AQP7B: variants seen among roughly 807,000 people sequenced by gnomAD.
The protein encoded by AQP7B is putative aquaporin-7B.
chr2:94,593,409 G>A, the AQP7B span, among the ~76,000 whole-genome samples: 7 of 151,880 alleles, frequency 4.6e-5, no homozygotes, highest in East Asian at 1.9e-4. Context: ...GTCAGCTTCC[G>A]GGCATGCAGA....
chr2:94,599,118 T>A, the AQP7B span, among the ~76,000 whole-genome samples: 2 of 152,170 alleles, frequency 1.3e-5, no homozygotes, highest in Non-Finnish European at 2.9e-5. Context: ...CATCCAGTAT[T>A]TTTAGCACAT....
the AQP7B span, chr2:94,588,614 C>T: frequency 4.1e-6 from 3 of 726,382 alleles, no homozygotes; most frequent in South Asian, 5.1e-5. Flanking sequence ...TCAGTGCCCT[C>T]CCTGCTCCAT....
At chr2:94,602,828 C>G in the AQP7B span, among the ~76,000 whole-genome samples, 32 of 152,316 alleles carry the variant, frequency 2.1e-4, no homozygotes, top group South Asian at 4.8e-3. Context: ...CTGGCTGGGT[C>G]ATCTTAGGCA....
At chr2:94,592,982 C>T in the AQP7B span, among the ~76,000 whole-genome samples, 1 of 151,810 alleles carries the variant, frequency 6.6e-6, no homozygotes, top group East Asian at 1.9e-4. Context: ...CACCACAACA[C>T]CTGACTAATT....
the AQP7B span, among the ~76,000 whole-genome samples, chr2:94,595,929 G>A: frequency 1.3e-5 from 2 of 152,240 alleles, no homozygotes; most frequent in African/African-American, 4.8e-5. Flanking sequence ...AACACAGGTG[G>A]TGGTTGTCAA....
At chr2:94,602,646 C>A in the AQP7B span, 1 of 1,562,574 alleles carries the variant, frequency 6.4e-7, no homozygotes, top group Admixed American at 1.7e-5. Context: ...CCAGACTGGG[C>A]AAGACCAGGT....
the AQP7B span, among the ~76,000 whole-genome samples, chr2:94,596,668 G>GACTATCCACAAGAT: frequency 6.6e-6 from 1 of 152,132 alleles, no homozygotes; most frequent in Non-Finnish European, 1.5e-5. Context: ...CTAGCTGTGC[G>GACTATCCACAAGAT]ACTATCCACA....
At chr2:94,603,094 G>A in the AQP7B span, 6 of 1,586,384 alleles carry the variant, frequency 3.8e-6, no homozygotes, top group Admixed American at 1.8e-5. Flanking sequence ...CGCGTGCCCT[G>A]GAGGAAGTTT....
chr2:94,596,726 G>T, the AQP7B span, among the ~76,000 whole-genome samples: 3 of 152,074 alleles, frequency 2.0e-5, no homozygotes, highest in South Asian at 2.1e-4. Context: ...TTGAGACAGG[G>T]TCTCACTCTG....
the AQP7B span, chr2:94,602,900 G>A: frequency 9.4e-7 from 1 of 1,063,796 alleles, no homozygotes. Flanking sequence ...GCCTCACGGG[G>A]TGGTTGTGAG....
the AQP7B span, chr2:94,594,975 C>T: frequency 1.1e-3 from 728 of 663,854 alleles, 5 homozygotes; most frequent in African/African-American, 0.01. Flanking sequence ...TTCCTTGCCT[C>T]TGAGCTGGGA....
the AQP7B span, among the ~76,000 whole-genome samples, chr2:94,593,577 C>T: frequency 6.6e-6 from 1 of 151,170 alleles, no homozygotes; most frequent in African/African-American, 2.4e-5. Flanking sequence ...CCTCCATCTC[C>T]CATGTTCAAG....
the AQP7B span, chr2:94,594,927 C>G: frequency 1.9e-6 from 2 of 1,064,102 alleles, no homozygotes; most frequent in East Asian, 4.9e-5. Context: ...CTGTCCATGA[C>G]CCCCTCCCCA....
At chr2:94,602,392 G>T in the AQP7B span, 12 of 1,239,190 alleles carry the variant, frequency 9.7e-6, no homozygotes, top group East Asian at 2.1e-4. Context: ...TGCCAGGGAG[G>T]CCCAGGGCAT....
At chr2:94,590,944 C>CAAAAAAAAAAAAAAAAAAAAAA in the AQP7B span, among the ~76,000 whole-genome samples, 4 of 49,084 alleles carry the variant, frequency 8.1e-5, no homozygotes, top group Non-Finnish European at 1.5e-4. Flanking sequence ...GACCCTGTCT[C>CAAAAAAAAAAAAAAAAAAAAAA]AAAAAAAAAA....
At chr2:94,603,615 G>T in the AQP7B span, 1 of 1,321,130 alleles carries the variant, frequency 7.6e-7, no homozygotes. Flanking sequence ...ACTGTACTGA[G>T]ACGTCTCTCT....
chr2:94,604,538 C>A, the AQP7B span: 3 of 1,608,500 alleles, frequency 1.9e-6, no homozygotes, highest in African/African-American at 1.3e-5. Flanking sequence ...CTCTGCCCCA[C>A]CCTTACATGA....
At chr2:94,593,275 G>T in the AQP7B span, among the ~76,000 whole-genome samples, 5 of 151,930 alleles carry the variant, frequency 3.3e-5, no homozygotes, top group East Asian at 9.8e-4. Flanking sequence ...AGGCTGGCGG[G>T]TAAAGGAGCC....
At chr2:94,604,107 C>A in the AQP7B span, among the ~76,000 whole-genome samples, 1 of 152,160 alleles carries the variant, frequency 6.6e-6, no homozygotes, top group African/African-American at 2.4e-5. Context: ...GATCCTGCAC[C>A]TGCACTGAGT....
Sources: gnomAD v4.1 joint callset for allele counts (sites outside exome capture counted in the v4.1 genomes callset) on GRCh38, gnomAD v4.1.1 for gene constraint, MANE v1.5 for transcripts, NCBI Gene and HGNC (gene_info 2026-07-23, HGNC 2026-07-21) for gene names.